Variants in CCN5 observed in about 807,000 individuals in gnomAD.
CCN5 encodes CCN family member 5.
Under a neutral mutation model 18.7 loss-of-function variants are expected in CCN5, and 17 were observed. The observed-to-expected ratio is 0.91, with a 90% CI of 0.62 to 1.36. The LOEUF is 1.36. Among genes scored for constraint, CCN5 ranks in the 40% most tolerant of loss-of-function variants. CCN5 has a pLI of 0.00. For missense variants in CCN5, 367 were observed against 342.9 expected (o/e 1.07, Z -0.56); for synonymous variants, 135 against 145.2 (o/e 0.93, Z 0.50).
chr20:44,715,252 T>C (rs1237555729), upstream of CCN5: 850 of 518,478 alleles, frequency 1.6e-3, 14 homozygotes, highest in Non-Finnish European at 5.9e-4. Flanking sequence ...TGTGTGTGTG[T>C]GTGTGTGTGA....
chr20:44,725,667 G>A (rs73286418), intron 3 of CCN5, among the ~76,000 whole-genome samples: 2,522 of 150,224 alleles, frequency 0.017, 65 homozygotes, highest in African/African-American at 0.058. Context: ...TAATATTATC[G>A]TATTTATAAT....
At chr20:44,721,456 G>A (rs903731837) in intron 2 of CCN5, 1 of 145,174 alleles carries the variant, frequency 6.9e-6, no homozygotes, top group Non-Finnish European at 1.5e-5. Context: ...AGGCTGCAGT[G>A]AGCCATGGTT....
intron 1 of CCN5, among the ~76,000 whole-genome samples, chr20:44,716,285 A>G (rs1017033492): frequency 6.6e-6 from 1 of 152,196 alleles, no homozygotes; most frequent in Non-Finnish European, 1.5e-5. Context: ...ACAGCTGCTA[A>G]GCCTTGTCAT....
chr20:44,725,048 A>G, intron 3 of CCN5, 56 bp downstream of exon 3: 1 of 1,463,270 alleles, frequency 6.8e-7, no homozygotes, highest in Non-Finnish European at 9.0e-7. Context: ...GCCAAGGGCC[A>G]CCTAGGGGGT....
chr20:44,715,737 A>G (rs557740785), intron 1 of CCN5, among the ~76,000 whole-genome samples: 26 of 152,218 alleles, frequency 1.7e-4, no homozygotes, highest in Non-Finnish European at 3.2e-4. Flanking sequence ...ACCATTCATG[A>G]TCATTCATCA....
chr20:44,718,786 G>A (rs1334358798), intron 1 of CCN5, among the ~76,000 whole-genome samples: 1 of 152,182 alleles, frequency 6.6e-6, no homozygotes, highest in Non-Finnish European at 1.5e-5. Context: ...TTCCCCATCC[G>A]TACCTGGCAG....
At chr20:44,720,325 A>G in intron 2 of CCN5, 1 of 581,790 alleles carries the variant, frequency 1.7e-6, no homozygotes, top group Non-Finnish European at 3.0e-6. Context: ...TCACTACCCC[A>G]ATAACCTTTC....
intron 1 of CCN5, among the ~76,000 whole-genome samples, chr20:44,718,823 GT>G (rs1325747278): frequency 6.6e-6 from 1 of 152,152 alleles, no homozygotes; most frequent in Non-Finnish European, 1.5e-5. Context: ...TGGGGCAGAG[GT>G]GCTGAAAACC....
upstream of CCN5, chr20:44,715,096 GCACA>G (rs144166282): frequency 1.9e-3 from 558 of 286,494 alleles, no homozygotes; most frequent in East Asian, 4.6e-3. Context: ...ACACACACGC[GCACA>G]CACACACACA....
At chr20:44,716,371 G>A (rs577871807) in intron 1 of CCN5, among the ~76,000 whole-genome samples, 3 of 152,326 alleles carry the variant, frequency 2.0e-5, no homozygotes, top group African/African-American at 4.8e-5. Flanking sequence ...GTATTTTCAC[G>A]CTCCTTTGAG....
At chr20:44,721,848 C>CAG (rs1024405399) in intron 2 of CCN5, among the ~76,000 whole-genome samples, 9 of 152,106 alleles carry the variant, frequency 5.9e-5, no homozygotes, top group African/African-American at 2.2e-4. Context: ...AAAAGGGGTA[C>CAG]AGAGAGGCTA....
upstream of CCN5, chr20:44,715,337 A>G: frequency 6.4e-7 from 1 of 1,551,940 alleles, no homozygotes; most frequent in African/African-American, 1.4e-5. Context: ...AGCTGCCGGA[A>G]CATAAAGACT....
intron 3 of CCN5, 74 bp from the exon 4 acceptor site, chr20:44,727,013 G>T (rs2065940067): frequency 7.1e-7 from 1 of 1,413,772 alleles, no homozygotes; most frequent in Admixed American, 2.4e-5. Context: ...GATTGCCGTG[G>T]CCGCTGGCAG....
Position 44,724,783 on chromosome 20 carries a change from G to A in CCN5, c.323G>A (p.Arg108Gln), listed in dbSNP as rs143597211. 1.6e-4 allele frequency: 250 copies of A among 1,612,722 alleles called. No homozygotes were observed. The highest frequency in any genetic ancestry group is 3.4e-4 in the South Asian group (31 of 91,030). ...SSCEVNGRLY[R>Q]EGETFQPHCS... is the part of the protein sequence containing the mutation. Reference sequence around the variant, plus strand: ...TGTGAGGTGAACGGCCGCCTGTATCGGGAAGGGGAGACCTTCCAGCCCCAC... The same window carrying A: ...TGTGAGGTGAACGGCCGCCTGTATCAGGAAGGGGAGACCTTCCAGCCCCAC... Residue 108 changes from arginine to glutamine, a missense_variant, in exon 3 of 4, where the codon CGG (arginine) becomes CAG (glutamine). Coordinates refer to ENST00000190983, the MANE Select transcript of CCN5 (RefSeq NM_003881.4).
chr20:44,719,582 A>G (rs1194376630), intron 1 of CCN5, among the ~76,000 whole-genome samples: 2 of 152,180 alleles, frequency 1.3e-5, no homozygotes, highest in Admixed American at 1.3e-4. Flanking sequence ...TGAACCCAGG[A>G]GGTGGAGGTT....
intron 2 of CCN5, chr20:44,721,148 G>A (rs907533932): frequency 4.0e-5 from 6 of 151,788 alleles, no homozygotes; most frequent in Non-Finnish European, 5.9e-5. Context: ...AAATAAGAAC[G>A]AAAGAGAGAG....
intron 1 of CCN5, chr20:44,716,942 T>C (rs1445901699): frequency 6.6e-6 from 1 of 152,276 alleles, no homozygotes; most frequent in African/African-American, 2.4e-5. Context: ...TGTCCACATG[T>C]TCAGTCACGT....
Position 44,715,412 on chromosome 20 carries a change from C to T in CCN5, c.22C>T (p.His8Tyr). 1.9e-6 allele frequency: 3 copies of T among 1,603,494 alleles called. No homozygotes were observed. The highest frequency in any genetic ancestry group is 2.2e-5 in the East Asian group (1 of 44,532). The stretch of plus-strand genomic sequence containing the variant: ...GGACATGAGAGGCACACCGAAGACC[C>T]ACCTCCTGGCCTTCTCCCTCCTCTG... Reference protein sequence around the residue: MRGTPKTHLLAFSLLCLL... With the variant: MRGTPKTYLLAFSLLCLL... The change falls in exon 1 of 4, where the codon CAC (histidine) becomes TAC (tyrosine). Residue 8 changes from histidine to tyrosine, a missense_variant. Physicochemically the swap from His to Tyr is moderately conservative, Grantham distance 83. Transcript: ENST00000190983.
chr20:44,714,878 G>A (rs961137688), upstream of CCN5: 1 of 153,666 alleles, frequency 6.5e-6, no homozygotes, highest in African/African-American at 2.4e-5. Flanking sequence ...GGGCCACGGA[G>A]CTTAGGAGAC....
Sources: allele counts gnomAD v4.1 joint callset (sites outside exome capture counted in the v4.1 genomes callset), GRCh38; gene constraint gnomAD v4.1.1; transcripts MANE v1.5; gene names NCBI Gene and HGNC (gene_info 2026-07-23, HGNC 2026-07-21).